Variants in FSTL4 observed in about 807,000 individuals in gnomAD.
FSTL4 encodes the protein follistatin-related protein 4.
FSTL4 carries 28 observed loss-of-function variants against 78.2 expected under a neutral mutation model. The observed-to-expected ratio is 0.36, with a 90% CI of 0.27 to 0.49. The LOEUF is 0.49. Ranked by LOEUF, FSTL4 falls within the 20% of genes least tolerant of loss-of-function variation. The pLI, the probability that FSTL4 is intolerant of heterozygous loss-of-function variation, is 0.98. For missense variants in FSTL4, 922 were observed against 1,084.9 expected (o/e 0.85, Z 2.11); for synonymous variants, 422 against 440.5 (o/e 0.96, Z 0.53).
the FSTL4 span, among the ~76,000 whole-genome samples, chr5:133,681,559 C>T: frequency 2.0e-5 from 3 of 151,966 alleles, no homozygotes; most frequent in Admixed American, 6.5e-5. Context: ...ATCATCCTCT[C>T]ACTGAGGAAA....
intron 1 of FSTL4, among the ~76,000 whole-genome samples, chr5:133,606,269 C>T (rs1192821546): frequency 1.3e-5 from 2 of 152,070 alleles, no homozygotes; most frequent in African/African-American, 2.4e-5. Flanking sequence ...GACAGGCATG[C>T]GCCACCATGC....
At position 133,217,343 on chromosome 5, in the gene FSTL4, G is replaced by C; in HGVS notation, c.1494C>G (p.Thr498=). ...CTGCAGATACCCACTGGCAGGGCTG[G>C]GTTGCATTTTTTTCTCTTTGAGGAC... The part of the protein sequence containing the change: ...EICPQREKNA[T]QPCQWVSAVN... Residue 498 remains threonine, a synonymous_variant, in exon 13 of 16, where the codon ACC becomes ACG. Coordinates refer to ENST00000265342, the MANE Select transcript of FSTL4 (RefSeq NM_015082.2). The C allele has an allele frequency of 6.2e-7, 1 of 1,614,078 alleles. No individual in the cohort carries two copies. The highest frequency in any genetic ancestry group is 8.5e-7 in the Non-Finnish European group (1 of 1,179,972).
chr5:133,351,688 A>G (rs973482874), intron 4 of FSTL4, among the ~76,000 whole-genome samples: 2 of 152,078 alleles, frequency 1.3e-5, no homozygotes, highest in African/African-American at 4.8e-5. Flanking sequence ...GCTCACTGCA[A>G]CCTTCACCTC....
At chr5:133,788,310 G>A in the FSTL4 span, among the ~76,000 whole-genome samples, 33 of 152,346 alleles carry the variant, frequency 2.2e-4, no homozygotes, top group Non-Finnish European at 4.0e-4. Flanking sequence ...TTCGGTTTCC[G>A]TGGCTGGAAA....
intron 4 of FSTL4, among the ~76,000 whole-genome samples, chr5:133,324,581 C>T (rs182914602): frequency 6.6e-6 from 1 of 152,370 alleles, no homozygotes; most frequent in East Asian, 1.9e-4. Context: ...TTTTCATCCA[C>T]TGTGGATCAT....
the FSTL4 span, among the ~76,000 whole-genome samples, chr5:133,632,202 T>C: frequency 1.3e-5 from 2 of 152,160 alleles, no homozygotes; most frequent in African/African-American, 4.8e-5. Flanking sequence ...ACTAGTTTTA[T>C]AATTTCACCA....
chr5:133,580,179 A>T (rs1760370225), intron 2 of FSTL4, among the ~76,000 whole-genome samples: 1 of 152,060 alleles, frequency 6.6e-6, no homozygotes, highest in African/African-American at 2.4e-5. Context: ...CCTCCTGAGC[A>T]TCTCCTCTGG....
At chr5:133,564,419 A>G (rs965550728) in intron 3 of FSTL4, among the ~76,000 whole-genome samples, 2 of 152,222 alleles carry the variant, frequency 1.3e-5, no homozygotes, top group African/African-American at 4.8e-5. Context: ...CAAAGGGCCC[A>G]GTGCCTCACT....
chr5:133,706,606 C>T, the FSTL4 span, among the ~76,000 whole-genome samples: 3 of 152,198 alleles, frequency 2.0e-5, no homozygotes, highest in African/African-American at 4.8e-5. Context: ...ATGTGACAGA[C>T]CTTTCCAACT....
At chr5:133,378,199 A>G (rs944426407) in intron 4 of FSTL4, among the ~76,000 whole-genome samples, 7 of 152,230 alleles carry the variant, frequency 4.6e-5, no homozygotes, top group African/African-American at 1.2e-4. Context: ...ACCAAAAAAA[A>G]AGAGCACTGG....
At chr5:133,679,033 A>C in the FSTL4 span, among the ~76,000 whole-genome samples, 1 of 152,142 alleles carries the variant, frequency 6.6e-6, no homozygotes, top group African/African-American at 2.4e-5. Context: ...AGGCTATATC[A>C]CTGGATCATG....
chr5:133,699,001 G>C, the FSTL4 span, among the ~76,000 whole-genome samples: 2 of 152,220 alleles, frequency 1.3e-5, no homozygotes, highest in African/African-American at 4.8e-5. Context: ...ACAGTGACAA[G>C]CCAATGCCTT....
At chr5:133,261,427 G>GAGA (rs1208060964) in intron 6 of FSTL4, among the ~76,000 whole-genome samples, 2 of 152,140 alleles carry the variant, frequency 1.3e-5, no homozygotes, top group Non-Finnish European at 2.9e-5. Context: ...CCTCTTAGCC[G>GAGA]AGAAGACCCC....
At chr5:133,474,694 C>G (rs985853121) in intron 3 of FSTL4, among the ~76,000 whole-genome samples, 5 of 152,156 alleles carry the variant, frequency 3.3e-5, no homozygotes, top group African/African-American at 1.2e-4. Flanking sequence ...ATGGTTGATG[C>G]AATGAGAGAA....
At chr5:133,777,443 T>C in the FSTL4 span, among the ~76,000 whole-genome samples, 4 of 136,668 alleles carry the variant, frequency 2.9e-5, no homozygotes, top group African/African-American at 8.2e-5. Context: ...ACTTATGTCT[T>C]GTTATGACCT....
intron 3 of FSTL4, among the ~76,000 whole-genome samples, chr5:133,450,665 G>A (rs995947751): frequency 6.6e-5 from 10 of 152,360 alleles, no homozygotes; most frequent in Non-Finnish European, 4.4e-5. Context: ...TGTCCTGAGC[G>A]GAACGCCATT....
chr5:133,690,770 T>G, the FSTL4 span, among the ~76,000 whole-genome samples: 1 of 152,248 alleles, frequency 6.6e-6, no homozygotes, highest in Non-Finnish European at 1.5e-5. Context: ...AGACAGTGAC[T>G]TGCACATCCT....
chr5:133,545,834 T>G (rs1246441187), intron 3 of FSTL4, among the ~76,000 whole-genome samples: 1 of 152,170 alleles, frequency 6.6e-6, no homozygotes, highest in Admixed American at 6.5e-5. Flanking sequence ...GTCTAGAACT[T>G]CTCAGAGATT....
chr5:133,713,254 A>G, the FSTL4 span, among the ~76,000 whole-genome samples: 4 of 152,234 alleles, frequency 2.6e-5, no homozygotes, highest in Non-Finnish European at 5.9e-5. Context: ...GCTAATTATT[A>G]GAATGAATAA....
Sources: gnomAD v4.1 joint callset for allele counts (sites outside exome capture counted in the v4.1 genomes callset) on GRCh38, gnomAD v4.1.1 for gene constraint, MANE v1.5 for transcripts, NCBI Gene and HGNC (gene_info 2026-07-23, HGNC 2026-07-21) for gene names.